The following TBC1D23 variants were observed in gnomAD, a reference collection of about 807,000 sequenced individuals.
The protein encoded by TBC1D23 is TBC1 domain family member 23.
TBC1D23 carries 55 observed loss-of-function variants against 91.4 expected under a neutral mutation model. The ratio of observed to expected loss-of-function variants is 0.60; its 90% CI spans 0.48 to 0.75. The LOEUF (loss-of-function observed/expected upper bound fraction) is 0.75. TBC1D23 is among the 30% of genes least tolerant of loss of function. The pLI is 0.00. For synonymous variants in TBC1D23, 289 were observed against 281.0 expected (o/e 1.03, Z -0.28); for missense variants, 725 against 836.1 (o/e 0.87, Z 1.64).
chr3:100,319,582 C>A (rs1214371), intron 17 of TBC1D23, among the ~76,000 whole-genome samples: 24,794 of 151,926 alleles, frequency 0.16, 4,582 homozygotes, highest in African/African-American at 0.44. Flanking sequence ...GCATGCGCCA[C>A]CACCCCCGGC....
Position 100,280,222 on chromosome 3 carries a change from C to G in TBC1D23, c.165+462C>G, listed in dbSNP as rs144673136. ...CCAGCCTGAGTGACAAAGTGAGACTCCATCTCAAAAAAAAAACAAAAAGAA... is the reference window on the plus strand; with the variant it reads ...CCAGCCTGAGTGACAAAGTGAGACTGCATCTCAAAAAAAAAACAAAAAGAA... On this transcript the variant is annotated intron_variant, in intron 2 of 18. Transcript: ENST00000394144. 5.1e-3 allele frequency among the ~76,000 whole-genome samples: 775 copies of G among 151,448 alleles called. 11 individuals are homozygous for G. The highest frequency in any genetic ancestry group is 0.017 in the African/African-American group (709 of 41,300).
chr3:100,298,093 C>T, intron 9 of TBC1D23, 48 bp downstream of exon 9: 1 of 1,544,278 alleles, frequency 6.5e-7, no homozygotes, highest in Non-Finnish European at 8.8e-7. Flanking sequence ...ATTTTAAATA[C>T]AAGGAACCAA....
At position 100,311,828 on chromosome 3, in the gene TBC1D23, T is replaced by C; in HGVS notation, c.1554-5T>C. 3.9e-6 allele frequency: 6 copies of C among 1,532,154 alleles called. No individual in the cohort carries two copies. Among genetic ancestry groups the C allele is most frequent in the Non-Finnish European group, 5.2e-6 (6 of 1,142,988 alleles). 94.9% of individuals were successfully genotyped at this position (1,532,154 alleles called of 1,614,324 possible). ...TGTTCTGTCCTCTGCCTTGATTTGC[T>C]ATAGAATGTCTTTCAATCTTCCTTG... On this transcript the variant is annotated splice_polypyrimidine_tract_variant and splice_region_variant and intron_variant, in intron 14 of 18. Transcript: ENST00000394144.
At chr3:100,300,498 A>ATTT (rs66553332) in intron 10 of TBC1D23, among the ~76,000 whole-genome samples, 15 of 125,402 alleles carry the variant, frequency 1.2e-4, no homozygotes, top group Admixed American at 2.6e-4. Context: ...ACTTGAATTA[A>ATTT]TTTTTTTTTT....
chr3:100,273,681 A>G (rs1038106411), intron 1 of TBC1D23, among the ~76,000 whole-genome samples: 5 of 152,366 alleles, frequency 3.3e-5, no homozygotes, highest in African/African-American at 7.2e-5. Context: ...CACATAGACC[A>G]GTGGAACAGA....
At chr3:100,290,765 G>GT in intron 5 of TBC1D23, 64 bp downstream of exon 5, 1 of 1,322,106 alleles carries the variant, frequency 7.6e-7, no homozygotes, top group Non-Finnish European at 1.0e-6. Context: ...TAGTTAGGTG[G>GT]GTTTTTTTTT....
At chr3:100,290,059 T>C (rs1184582546) in intron 4 of TBC1D23, among the ~76,000 whole-genome samples, 1 of 152,204 alleles carries the variant, frequency 6.6e-6, no homozygotes, top group African/African-American at 2.4e-5. Context: ...GATGAGTATT[T>C]TGGCACCTTC....
At position 100,325,164 on chromosome 3, in the gene TBC1D23, A is replaced by G. The variant is rs1050362808; in HGVS notation, c.*1496A>G. The G allele has an allele frequency of 6.6e-6, 1 of 152,198 alleles. No individual in the cohort carries two copies. The highest frequency in any genetic ancestry group is 2.4e-5 in the African/African-American group (1 of 41,450). 9.4% of individuals were successfully genotyped at this position (152,198 alleles called of 1,614,324 possible). ...CCATTTCAGCCATGGGACATTTTTC[A>G]TAATATTAATGTAAAGATGTTTGTG... On this transcript the variant is annotated 3_prime_UTR_variant, in exon 19 of 19. Coordinates refer to ENST00000394144, the MANE Select transcript of TBC1D23 (RefSeq NM_001199198.3).
chr3:100,303,760 A>G (rs1705472550), intron 11 of TBC1D23, among the ~76,000 whole-genome samples: 1 of 152,150 alleles, frequency 6.6e-6, no homozygotes. Flanking sequence ...ACAGAGCGAG[A>G]CCCTATTCTC....
intron 5 of TBC1D23, among the ~76,000 whole-genome samples, chr3:100,294,598 G>A (rs1026047763): frequency 7.9e-5 from 12 of 152,040 alleles, no homozygotes; most frequent in African/African-American, 2.9e-4. Context: ...AGCTTTGGGA[G>A]CAATTCATAT....
At chr3:100,299,129 T>C in intron 9 of TBC1D23, 110 bp from the exon 10 acceptor site, 2 of 617,378 alleles carry the variant, frequency 3.2e-6, no homozygotes, top group Middle Eastern at 2.8e-4. Context: ...CCATGTGAGA[T>C]CCATTTTTTA....
At chr3:100,267,551 A>G (rs1173082933) in intron 1 of TBC1D23, among the ~76,000 whole-genome samples, 1 of 152,140 alleles carries the variant, frequency 6.6e-6, no homozygotes, top group East Asian at 1.9e-4. Flanking sequence ...ACATTAAACT[A>G]GTTGTTATGG....
chr3:100,306,968 T>C (rs911721252), intron 13 of TBC1D23, among the ~76,000 whole-genome samples: 1 of 152,196 alleles, frequency 6.6e-6, no homozygotes, highest in African/African-American at 2.4e-5. Flanking sequence ...AATCATCTCG[T>C]GCACACTATG....
chr3:100,295,487 T>C lies in TBC1D23; in HGVS notation c.772+139T>C. ...TTCAACTCTCAGATTATATAAACAC[T>C]CTCCAGGTACAGACCTTAAAGACTA... On this transcript the variant is annotated intron_variant, in intron 7 of 18. Transcript: ENST00000394144. 4 of 649,482 alleles carry C rather than the reference T, an allele frequency of 6.2e-6. No homozygotes were observed. In the South Asian group the frequency reaches 6.7e-5, roughly 11 times the overall value. 40.2% of individuals were successfully genotyped at this position (649,482 alleles called of 1,614,324 possible). A position where few individuals can be genotyped will look rare whatever the true frequency, so the allele number is the denominator to read the frequency against.
chr3:100,275,417 A>T (rs2067640922), intron 1 of TBC1D23, among the ~76,000 whole-genome samples: 1 of 152,046 alleles, frequency 6.6e-6, no homozygotes. Context: ...CCTGTTGAGT[A>T]GCTGGGACTA....
intron 5 of TBC1D23, among the ~76,000 whole-genome samples, chr3:100,292,594 G>C: frequency 6.6e-6 from 1 of 151,988 alleles, no homozygotes; most frequent in East Asian, 1.9e-4. Context: ...CCACAGTCTT[G>C]TCAGTTTTTT....
intron 15 of TBC1D23, among the ~76,000 whole-genome samples, chr3:100,314,840 A>C (rs1194032591): frequency 6.6e-6 from 1 of 152,166 alleles, no homozygotes; most frequent in African/African-American, 2.4e-5. Flanking sequence ...TCACATTGGA[A>C]TAGCTCTTGA....
intron 18 of TBC1D23, among the ~76,000 whole-genome samples, chr3:100,323,242 A>G (rs149489121): frequency 1.3e-5 from 2 of 152,214 alleles, no homozygotes; most frequent in African/African-American, 4.8e-5. Context: ...TTTGTAGCTA[A>G]TTGAAGGTAC....
intron 4 of TBC1D23, among the ~76,000 whole-genome samples, chr3:100,287,016 T>C (rs1329984451): frequency 6.6e-6 from 1 of 151,984 alleles, no homozygotes; most frequent in Non-Finnish European, 1.5e-5. Context: ...GGTTTTACCA[T>C]TGGCCAAACT....
Sources: allele counts gnomAD v4.1 joint callset (sites outside exome capture counted in the v4.1 genomes callset), GRCh38; gene constraint gnomAD v4.1.1; transcripts MANE v1.5; gene names NCBI Gene and HGNC (gene_info 2026-07-23, HGNC 2026-07-21).